PTPRM: variants seen among roughly 807,000 people sequenced by gnomAD.
PTPRM encodes protein tyrosine phosphatase receptor type M.
In PTPRM, 47 loss-of-function variants were observed where a neutral mutation model predicts 186.7. The observed-to-expected ratio is 0.25, with a 90% CI of 0.20 to 0.32. The LOEUF is 0.32. Among genes scored for constraint, PTPRM ranks in the 10% least tolerant of loss-of-function variants. PTPRM has a pLI of 1.00. For synonymous variants in PTPRM, 668 were observed against 674.9 expected (o/e 0.99, Z 0.16); for missense variants, 1,494 against 1,865.0 (o/e 0.80, Z 3.66).
chr18:8,313,179 A>G (rs2095282287), intron 20 of PTPRM, among the ~76,000 whole-genome samples: 1 of 152,188 alleles, frequency 6.6e-6, no homozygotes, highest in East Asian at 1.9e-4. Context: ...AGAAATGTTG[A>G]GTAAAGTTAG....
chr18:8,243,981 A>G, intron 14 of PTPRM, 77 bp from the exon 15 acceptor site: 2 of 1,373,102 alleles, frequency 1.5e-6, no homozygotes, highest in Non-Finnish European at 2.0e-6. Context: ...TTATTCCTGA[A>G]CATCTGTCAA....
At chr18:8,172,484 C>T (rs772878390) in intron 14 of PTPRM, among the ~76,000 whole-genome samples, 1 of 151,910 alleles carries the variant, frequency 6.6e-6, no homozygotes, top group Non-Finnish European at 1.5e-5. Flanking sequence ...CAGAATCATC[C>T]GGGTACTTAC....
intron 5 of PTPRM, among the ~76,000 whole-genome samples, chr18:7,944,489 A>G (rs1014079985): frequency 8.5e-5 from 13 of 152,158 alleles, no homozygotes; most frequent in African/African-American, 2.7e-4. Context: ...AGGTCCTTCC[A>G]TTCCCAGCAT....
intron 7 of PTPRM, among the ~76,000 whole-genome samples, chr18:8,027,786 C>A (rs1324005536): frequency 6.6e-6 from 1 of 152,152 alleles, no homozygotes; most frequent in Non-Finnish European, 1.5e-5. Context: ...TGACTAGATA[C>A]AAAGACAAGT....
chr18:7,845,336 A>G (rs1462460685), intron 2 of PTPRM, among the ~76,000 whole-genome samples: 2 of 152,216 alleles, frequency 1.3e-5, no homozygotes, highest in African/African-American at 4.8e-5. Context: ...AATTTATGAT[A>G]TCTTTGAGAA....
chr18:7,944,708 C>T (rs2052401804), intron 5 of PTPRM, among the ~76,000 whole-genome samples: 1 of 152,084 alleles, frequency 6.6e-6, no homozygotes, highest in Non-Finnish European at 1.5e-5. Flanking sequence ...CCATAGCTAC[C>T]CTATATTTCC....
chr18:7,614,413 A>G (rs2037752795), intron 1 of PTPRM, among the ~76,000 whole-genome samples: 1 of 152,196 alleles, frequency 6.6e-6, no homozygotes, highest in Admixed American at 6.5e-5. Context: ...AAGGAATATT[A>G]AGGTACCCAA....
chr18:8,397,696 A>AG, intron 32 of PTPRM, among the ~76,000 whole-genome samples: 1 of 152,208 alleles, frequency 6.6e-6, no homozygotes, highest in East Asian at 1.9e-4. Flanking sequence ...TATATTCAGA[A>AG]GGAGTGCTGG....
At chr18:8,305,236 G>A (rs73939422) in intron 20 of PTPRM, among the ~76,000 whole-genome samples, 2,710 of 152,216 alleles carry the variant, frequency 0.018, 80 homozygotes, top group African/African-American at 0.062. Context: ...TACCAAGGTG[G>A]TGTTAGGAAA....
chr18:7,775,092 C>T (rs953268535), intron 2 of PTPRM, among the ~76,000 whole-genome samples: 12 of 152,166 alleles, frequency 7.9e-5, no homozygotes, highest in Admixed American at 2.0e-4. Context: ...TGCTCCAAAG[C>T]GTAGGAATAA....
chr18:7,969,436 A>T (rs1275765017), intron 7 of PTPRM, among the ~76,000 whole-genome samples: 1 of 140,176 alleles, frequency 7.1e-6, no homozygotes, highest in Non-Finnish European at 1.5e-5. Flanking sequence ...AAGCTAGCAG[A>T]AGGCAAGAAA....
rs370234331 is a variant in PTPRM, at chr18:8,376,192, G to A, written c.3318G>A (p.Val1106=). ...KSPPSAGPLV[V]HCSAGAGRTG... is the part of the protein sequence containing the mutation. The stretch of plus-strand genomic sequence containing the variant: ...CGCCCAGTGCAGGCCCACTGGTGGT[G>A]CACTGCAGGTAAGCAGAGCTCCAGA... The change falls in exon 25 of 33, where the codon GTG becomes GTA. Residue 1106 remains valine (V), a synonymous_variant. Transcript: ENST00000580170. 26 of 1,611,442 alleles carry A rather than the reference G, an allele frequency of 1.6e-5. No homozygotes were observed. Among genetic ancestry groups the A allele is most frequent in the African/African-American group, 2.7e-5 (2 of 74,898 alleles).
intron 14 of PTPRM, among the ~76,000 whole-genome samples, chr18:8,215,467 C>T (rs765157299): frequency 1.7e-4 from 25 of 151,376 alleles, no homozygotes; most frequent in Non-Finnish European, 2.9e-4. Context: ...TTTTAAGACT[C>T]AGTTATTCTT....
intron 3 of PTPRM, among the ~76,000 whole-genome samples, chr18:7,898,149 A>T (rs756478203): frequency 6.6e-6 from 1 of 152,142 alleles, no homozygotes; most frequent in African/African-American, 2.4e-5. Flanking sequence ...ACTTTACTGT[A>T]TATGTTTTAT....
At chr18:8,277,729 G>A (rs2147701515) in intron 19 of PTPRM, among the ~76,000 whole-genome samples, 1 of 152,306 alleles carries the variant, frequency 6.6e-6, no homozygotes, top group East Asian at 1.9e-4. Flanking sequence ...GTGCCTGTGT[G>A]TTTCCGTGTG....
intron 5 of PTPRM, among the ~76,000 whole-genome samples, chr18:7,939,004 A>T (rs1484912428): frequency 6.6e-6 from 1 of 152,210 alleles, no homozygotes; most frequent in African/African-American, 2.4e-5. Context: ...CACTATGTTA[A>T]TTATTAAAAT....
At chr18:7,651,655 G>C (rs1052096642) in intron 1 of PTPRM, among the ~76,000 whole-genome samples, 4 of 152,030 alleles carry the variant, frequency 2.6e-5, no homozygotes, top group Non-Finnish European at 4.4e-5. Flanking sequence ...ATGGGGAAAG[G>C]ATTCCCTATT....
chr18:7,772,865 T>C (rs1348847913), intron 1 of PTPRM, among the ~76,000 whole-genome samples: 2 of 152,200 alleles, frequency 1.3e-5, no homozygotes, highest in Non-Finnish European at 2.9e-5. Flanking sequence ...TGGCAAACAA[T>C]TATAATTTTT....
chr18:7,941,146 C>T (rs888038811), intron 5 of PTPRM, among the ~76,000 whole-genome samples: 3 of 152,146 alleles, frequency 2.0e-5, no homozygotes, highest in Non-Finnish European at 4.4e-5. Context: ...CAGCCAGCTG[C>T]GTTAATGACT....
Sources: gnomAD v4.1 joint callset for allele counts (sites outside exome capture counted in the v4.1 genomes callset) on GRCh38, gnomAD v4.1.1 for gene constraint, MANE v1.5 for transcripts, NCBI Gene and HGNC (gene_info 2026-07-23, HGNC 2026-07-21) for gene names.